FAM81A: variants seen among roughly 807,000 people sequenced by gnomAD.
FAM81A encodes the protein protein FAM81A.
FAM81A carries 19 observed loss-of-function variants against 46.7 expected under a neutral mutation model. That is an observed-to-expected ratio of 0.41 (90% confidence interval 0.28 to 0.60). The LOEUF (loss-of-function observed/expected upper bound fraction) is 0.60. Ranked by LOEUF, FAM81A falls within the 20% of genes least tolerant of loss-of-function variation. FAM81A has a pLI of 0.34. For missense variants in FAM81A, 377 were observed against 453.5 expected, an observed-to-expected ratio of 0.83 and a Z score of 1.53; for synonymous variants, 183 against 152.9, an observed-to-expected ratio of 1.20 and a Z score of -1.45.
intron 1 of FAM81A, among the ~76,000 whole-genome samples, chr15:59,442,777 G>C (rs62013072): frequency 0.24 from 36,974 of 151,854 alleles, 5,286 homozygotes; most frequent in East Asian, 0.45. Flanking sequence ...TTCTCTCTCT[G>C]TGTGTCTGTG....
In FAM81A at chr15:59,521,280, G is replaced by A; in HGVS notation, c.1009G>A (p.Gly337Arg). Residue 337 changes from glycine to arginine, a missense_variant, in exon 9 of 9, where the codon GGA becomes AGA. By Grantham distance (125) the Gly-to-Arg change is moderately radical. Coordinates refer to ENST00000288228, the MANE Select transcript of FAM81A (RefSeq NM_152450.3). Reference protein sequence around the residue: ...AGFTAVYESIGSLRQVLEAKM... With the variant: ...AGFTAVYESIRSLRQVLEAKM... ...GTTTACAGCCGTCTATGAAAGCATA[G>A]GATCCCTCAGGCAAGTTCTCGAGGC... 1 of 1,613,598 alleles carries A rather than the reference G, an allele frequency of 6.2e-7. No homozygotes were observed. Among genetic ancestry groups the A allele is most frequent in the Non-Finnish European group, 8.5e-7 (1 of 1,179,712 alleles).
intron 3 of FAM81A, among the ~76,000 whole-genome samples, chr15:59,477,685 A>G (rs2081790653): frequency 6.6e-6 from 1 of 152,174 alleles, no homozygotes; most frequent in African/African-American, 2.4e-5. Context: ...GAGCTCAATA[A>G]ATGTTTCATA....
chr15:59,450,646 A>C (rs1212618559), intron 1 of FAM81A, among the ~76,000 whole-genome samples: 1 of 152,160 alleles, frequency 6.6e-6, no homozygotes, highest in Admixed American at 6.5e-5. Context: ...AATTAGATTT[A>C]TTTTATAATT....
At chr15:59,455,738 A>C (rs2081475758) in intron 1 of FAM81A, among the ~76,000 whole-genome samples, 1 of 152,174 alleles carries the variant, frequency 6.6e-6, no homozygotes, top group South Asian at 2.1e-4. Flanking sequence ...TCCGATAATC[A>C]GTGGTGTGGC....
chr15:59,504,614 G>A (rs1181575308), intron 4 of FAM81A, among the ~76,000 whole-genome samples: 3 of 151,962 alleles, frequency 2.0e-5, no homozygotes, highest in Non-Finnish European at 2.9e-5. Context: ...CTTCTTTGTG[G>A]GTGTTCTTTT....
chr15:59,401,488 G>C (rs1239875990), intron 1 of FAM81A: 2 of 758,076 alleles, frequency 2.6e-6, no homozygotes, highest in African/African-American at 3.4e-5. Flanking sequence ...CCATTGGCCT[G>C]ATGAATCTTT....
intron 2 of FAM81A, among the ~76,000 whole-genome samples, chr15:59,404,224 A>C (rs753555114): frequency 5.3e-5 from 8 of 152,010 alleles, no homozygotes; most frequent in African/African-American, 1.9e-4. Context: ...AAACCCATTG[A>C]TTCTCAGGGC....
intron 1 of FAM81A, among the ~76,000 whole-genome samples, chr15:59,448,044 G>A (rs1490566194): frequency 6.6e-6 from 1 of 152,178 alleles, no homozygotes; most frequent in Non-Finnish European, 1.5e-5. Context: ...GTAGGATGTG[G>A]TAATGGTGGC....
intron 2 of FAM81A, among the ~76,000 whole-genome samples, chr15:59,423,966 C>T (rs373122391): frequency 2.0e-5 from 3 of 152,160 alleles, no homozygotes; most frequent in African/African-American, 7.2e-5. Flanking sequence ...GGCTACCTTC[C>T]CATTTGTCTG....
At chr15:59,475,464 A>G (rs560251323) in intron 3 of FAM81A, among the ~76,000 whole-genome samples, 4 of 152,262 alleles carry the variant, frequency 2.6e-5, no homozygotes, top group South Asian at 4.1e-4. Context: ...TTTCTTTAAG[A>G]TGATTTTTGA....
At chr15:59,409,005 A>T (rs1156388064) in intron 2 of FAM81A, 4 of 152,164 alleles carry the variant, frequency 2.6e-5, no homozygotes, top group Non-Finnish European at 5.9e-5. Flanking sequence ...ACTGTACTTG[A>T]CTAATCTTTA....
At chr15:59,408,066 G>A in intron 2 of FAM81A, 1 of 166,756 alleles carries the variant, frequency 6.0e-6, no homozygotes, top group Non-Finnish European at 1.3e-5. Context: ...CTCCAACACG[G>A]GATTCACCAC....
At chr15:59,421,301 G>A (rs1205024160) in intron 2 of FAM81A, among the ~76,000 whole-genome samples, 2 of 152,208 alleles carry the variant, frequency 1.3e-5, no homozygotes, top group Non-Finnish European at 2.9e-5. Context: ...AGATTCTTGT[G>A]TGGGAGTAGA....
chr15:59,443,805 G>T (rs1401170875), intron 1 of FAM81A, among the ~76,000 whole-genome samples: 1 of 151,992 alleles, frequency 6.6e-6, no homozygotes, highest in Non-Finnish European at 1.5e-5. Flanking sequence ...CTCCTGTTTG[G>T]GGCAGTTATG....
intron 2 of FAM81A, among the ~76,000 whole-genome samples, chr15:59,423,444 C>T (rs2081183365): frequency 6.6e-6 from 1 of 152,188 alleles, no homozygotes; most frequent in Admixed American, 6.5e-5. Flanking sequence ...GACACTGCAG[C>T]TCAGAGATTT....
intron 2 of FAM81A, among the ~76,000 whole-genome samples, chr15:59,411,457 C>T (rs191031519): frequency 6.6e-6 from 1 of 152,312 alleles, no homozygotes; most frequent in Non-Finnish European, 1.5e-5. Context: ...AAGTAAATTA[C>T]TCAGAGTATT....
At chr15:59,452,724 G>C (rs1256199973) in intron 1 of FAM81A, among the ~76,000 whole-genome samples, 1 of 152,096 alleles carries the variant, frequency 6.6e-6, no homozygotes. Context: ...GTGTCAATTC[G>C]AAAATGCAGC....
chr15:59,503,259 C>G (rs1470207750), intron 4 of FAM81A, among the ~76,000 whole-genome samples: 2 of 143,382 alleles, frequency 1.4e-5, no homozygotes, highest in African/African-American at 5.2e-5. Context: ...AAAAAAAAAG[C>G]CTTACCACCT....
At chr15:59,424,861 C>A (rs565042693) in intron 2 of FAM81A, among the ~76,000 whole-genome samples, 2 of 152,228 alleles carry the variant, frequency 1.3e-5, no homozygotes, top group African/African-American at 4.8e-5. Flanking sequence ...TCTACTTTCT[C>A]TTCCTTCTCT....
Sources: allele counts gnomAD v4.1 joint callset (sites outside exome capture counted in the v4.1 genomes callset), GRCh38; gene constraint gnomAD v4.1.1; transcripts MANE v1.5; gene names NCBI Gene and HGNC (gene_info 2026-07-23, HGNC 2026-07-21).